Variants in TBC1D2 observed in about 807,000 individuals in gnomAD.
TBC1D2 encodes TBC1 domain family member 2A.
TBC1D2 carries 58 observed loss-of-function variants against 91.1 expected under a neutral mutation model. The observed-to-expected ratio is 0.64, with a 90% confidence interval of 0.52 to 0.79. TBC1D2 has a LOEUF of 0.79. TBC1D2 is among the 30% of genes least tolerant of loss of function. The probability of loss-of-function intolerance (pLI) is 0.00; values close to 1 mark genes in which losing one functional copy is unlikely to be tolerated. For missense variants in TBC1D2, 1,080 were observed against 1,208.3 expected, an observed-to-expected ratio of 0.89 and a Z score of 1.57; for synonymous variants, 482 against 511.5, an observed-to-expected ratio of 0.94 and a Z score of 0.78.
chr9:98,201,346 A>G (rs1406742920), intron 11 of TBC1D2, 133 bp downstream of exon 11: 8 of 790,182 alleles, frequency 1.0e-5, no homozygotes, highest in South Asian at 5.5e-5. Flanking sequence ...GCAGTTGACA[A>G]TGCTCTCAGG....
Position 98,220,891 on chromosome 9 carries a change from C to T in TBC1D2, c.1316G>A (p.Arg439His), listed in dbSNP as rs369619412. 29 of 1,614,004 alleles carry T rather than the reference C, an allele frequency of 1.8e-5. No individual in the cohort carries two copies. Among genetic ancestry groups the T allele is most frequent in the Admixed American group, 6.7e-5 (4 of 60,002 alleles). ...FTHPPDQSPL[R>H]PDAANRDFLS... ...GAAGTCCCTGTTGGCAGCGTCGGGG[C>T]GCAAAGGAGACTGGTCAGGGGGGTG... The change falls in exon 6 of 13, where the codon CGC becomes CAC. Residue 439 changes from arginine to histidine, a missense_variant. Physicochemically the swap from Arg to His is conservative, Grantham distance 29. Coordinates refer to ENST00000465784, the MANE Select transcript of TBC1D2 (RefSeq NM_001267571.2).
At chr9:98,213,524 A>G (rs1214635351) in intron 6 of TBC1D2, 5 of 684,476 alleles carry the variant, frequency 7.3e-6, no homozygotes, top group Non-Finnish European at 1.0e-5. Flanking sequence ...TAAAAGGGGC[A>G]AATACCAACT....
At chr9:98,200,092 A>G (rs1828445329) in intron 12 of TBC1D2, among the ~76,000 whole-genome samples, 161 bp downstream of exon 12, 1 of 152,198 alleles carries the variant, frequency 6.6e-6, no homozygotes, top group Non-Finnish European at 1.5e-5. Flanking sequence ...GGGGGCAGAC[A>G]TATCACTCAG....
chr9:98,231,443 A>G (rs1829368482), intron 4 of TBC1D2, among the ~76,000 whole-genome samples: 1 of 152,096 alleles, frequency 6.6e-6, no homozygotes, highest in South Asian at 2.1e-4. Flanking sequence ...GATTACAACC[A>G]CTGTTTAACA....
At chr9:98,212,007 A>C (rs1289650988) in intron 7 of TBC1D2, among the ~76,000 whole-genome samples, 1 of 152,042 alleles carries the variant, frequency 6.6e-6, no homozygotes, top group East Asian at 1.9e-4. Flanking sequence ...CATGTTGCCC[A>C]GGCTGGTCTT....
At position 98,210,700 on chromosome 9, in the gene TBC1D2, T is replaced by C. The variant is rs1232485241; in HGVS notation, c.1629A>G (p.Glu543=). The change falls in exon 8 of 13, where the codon GAA becomes GAG. Residue 543 remains glutamate (E), a synonymous_variant. Coordinates refer to ENST00000465784, the MANE Select transcript of TBC1D2 (RefSeq NM_001267571.2). Reference sequence around the variant, plus strand: ...TGCTGTCAGATGAGGCCTCCCCAGCTTCCCACTGCAGTGCCTCCTGGACAA... The same window carrying C: ...TGCTGTCAGATGAGGCCTCCCCAGCCTCCCACTGCAGTGCCTCCTGGACAA... ...RQLVQEALQW[E]AGEASSDSIE... 1 of 1,603,298 alleles carries C rather than the reference T, an allele frequency of 6.2e-7. No homozygotes were observed. The highest frequency in any genetic ancestry group is 1.1e-5 in the South Asian group (1 of 89,056).
rs539523815 is a variant in TBC1D2 at position 98,214,703 on chromosome 9, G to C, written c.1375-1485C>G. On this transcript the variant is annotated intron_variant, in intron 6 of 12. Coordinates refer to ENST00000465784, the MANE Select transcript of TBC1D2 (RefSeq NM_001267571.2). ...TGTGCACAGCCCACAGGTGGTCCTGGCCCTCCCTGGGTGGGTCTTCACTCT... is the reference window on the plus strand; with the variant it reads ...TGTGCACAGCCCACAGGTGGTCCTGCCCCTCCCTGGGTGGGTCTTCACTCT... Among the ~76,000 whole-genome samples, 81 of 152,334 alleles carry C rather than the reference G, an allele frequency of 5.3e-4. 1 individual carries two copies. Among genetic ancestry groups the C allele is most frequent in the African/African-American group, 1.9e-3 (78 of 41,574 alleles).
chr9:98,209,401 T>A (rs1159354327), intron 8 of TBC1D2, among the ~76,000 whole-genome samples: 1 of 152,188 alleles, frequency 6.6e-6, no homozygotes, highest in Non-Finnish European at 1.5e-5. Flanking sequence ...AGATAGTGCC[T>A]GGTACACAGT....
Position 98,244,281 on chromosome 9 carries a change from G to A in TBC1D2, c.512-152C>T. On this transcript the variant is annotated intron_variant, in intron 2 of 12. Coordinates refer to ENST00000465784, the MANE Select transcript of TBC1D2 (RefSeq NM_001267571.2). ...AGGCCCTCCCTGTAGGTTAACAGCA[G>A]CAAAATAGGCTTTTCACAAAATGTT... 4.1e-6 allele frequency: 4 copies of A among 972,938 alleles called. No individual in the cohort carries two copies. In the South Asian group the frequency reaches 6.1e-5, roughly 15 times the overall value. 60.3% of individuals were successfully genotyped at this position (972,938 alleles called of 1,614,324 possible). A position where few individuals can be genotyped will look rare whatever the true frequency, so the allele number is the denominator to read the frequency against.
At position 98,251,844 on chromosome 9, in the gene TBC1D2, G is replaced by A; in HGVS notation, c.452C>T (p.Pro151Leu). The A allele has an allele frequency of 6.2e-7, 1 of 1,605,540 alleles. No individual in the cohort carries two copies. The highest frequency in any genetic ancestry group is 2.3e-5 in the East Asian group (1 of 43,912). The change falls in exon 2 of 13, where the codon CCT becomes CTT. Residue 151 changes from proline to leucine, a missense_variant. Coordinates refer to ENST00000465784, the MANE Select transcript of TBC1D2 (RefSeq NM_001267571.2). The part of the protein sequence containing the change: ...RWEFHNSPPA[P>L]PATPDAALAG... ...CAGGGCGGCATCAGGGGTGGCAGGA[G>A]GTGCCGGCGGGCTGTTGTGGAATTC...
intron 3 of TBC1D2, among the ~76,000 whole-genome samples, chr9:98,241,562 T>C (rs149065841): frequency 3.2e-4 from 48 of 152,308 alleles, no homozygotes; most frequent in African/African-American, 1.1e-3. Context: ...GGGAAGTTGC[T>C]CTATGACCCT....
At position 98,244,066 on chromosome 9, in the gene TBC1D2, C is replaced by T; in HGVS notation, c.575G>A (p.Gly192Asp). The T allele has an allele frequency of 6.2e-7, 1 of 1,613,006 alleles. No individual in the cohort carries two copies. The highest frequency in any genetic ancestry group is 1.3e-5 in the African/African-American group (1 of 75,050). ...GAAGGGCTGCAAGGCAGCTGCCACG[C>T]CCACTAGCCCAGGGGGTGTTTTCAC... is the stretch of plus-strand genomic sequence containing the variant. ...CPVKTPPGLV[G>D]VAAALQPFPA... Residue 192 changes from glycine to aspartate, a missense_variant, in exon 3 of 13, where the codon GGC becomes GAC. Gly to Asp is a moderately conservative substitution (Grantham distance 94, BLOSUM62 -1). Coordinates refer to ENST00000465784, the MANE Select transcript of TBC1D2 (RefSeq NM_001267571.2).
chr9:98,210,438 G>A (rs1216478196), intron 8 of TBC1D2, among the ~76,000 whole-genome samples: 1 of 152,198 alleles, frequency 6.6e-6, no homozygotes, highest in African/African-American at 2.4e-5. Context: ...GGGCTCTGGA[G>A]GCAGCCTGTG....
intron 1 of TBC1D2, among the ~76,000 whole-genome samples, chr9:98,253,196 G>C (rs1422031937): frequency 1.3e-5 from 2 of 152,164 alleles, no homozygotes; most frequent in Non-Finnish European, 2.9e-5. Flanking sequence ...CTTGGAACTT[G>C]AGAGTCTCCT....
At chr9:98,216,722 A>G (rs1178028071) in intron 6 of TBC1D2, among the ~76,000 whole-genome samples, 1 of 151,968 alleles carries the variant, frequency 6.6e-6, no homozygotes, top group Admixed American at 6.6e-5. Flanking sequence ...TTTTATTTTT[A>G]GAGAAAGGGT....
intron 9 of TBC1D2, among the ~76,000 whole-genome samples, chr9:98,206,954 T>C (rs1215060927): frequency 2.6e-5 from 4 of 152,264 alleles, no homozygotes; most frequent in Non-Finnish European, 5.9e-5. Flanking sequence ...GAAGAGGCTT[T>C]GCAGGTTTTG....
chr9:98,220,750 C>T, intron 6 of TBC1D2, 83 bp downstream of exon 6: 1 of 1,547,124 alleles, frequency 6.5e-7, no homozygotes, highest in Non-Finnish European at 8.8e-7. Context: ...CCTAGCAAAC[C>T]CTTAGGGGTG....
At position 98,255,202 on chromosome 9, in the gene TBC1D2, T is replaced by G; in HGVS notation, c.340A>C (p.Lys114Gln). ...ADAEEGIFEIKTPSRVITLKA... is the reference protein window; with the variant it reads ...ADAEEGIFEIQTPSRVITLKA... ...AGGGTAATAACCCGGCTGGGAGTCT[T>G]GATTTCGAAGATCCCCTCCTCAGCG... Residue 114 changes from lysine (K) to glutamine (Q), a missense_variant, in exon 1 of 13, where the codon AAG (lysine) becomes CAG (glutamine). By Grantham distance (53) the Lys-to-Gln change is moderately conservative (BLOSUM62 1). Transcript: ENST00000465784. 2 of 1,610,102 alleles carry G rather than the reference T, an allele frequency of 1.2e-6. No homozygotes were observed. The highest frequency in any genetic ancestry group is 1.7e-6 in the Non-Finnish European group (2 of 1,177,054).
At chr9:98,243,577 C>T (rs1297987613) in intron 3 of TBC1D2, among the ~76,000 whole-genome samples, 4 of 148,056 alleles carry the variant, frequency 2.7e-5, no homozygotes, top group African/African-American at 1.0e-4. Context: ...ACTCTTGTCG[C>T]CCAGGCTGGA....
Sources: gnomAD v4.1 joint callset for allele counts (sites outside exome capture counted in the v4.1 genomes callset) on GRCh38, gnomAD v4.1.1 for gene constraint, MANE v1.5 for transcripts, NCBI Gene and HGNC (gene_info 2026-07-23, HGNC 2026-07-21) for gene names.